The following OPCML variants were observed in gnomAD, a reference collection of about 807,000 sequenced individuals.
The protein encoded by OPCML is opioid-binding protein/cell adhesion molecule.
Under a neutral mutation model 37.8 loss-of-function variants are expected in OPCML, and 13 were observed. That is an observed-to-expected ratio of 0.34 (90% CI 0.22 to 0.55). OPCML has a LOEUF of 0.55. Ranked by LOEUF, OPCML falls within the 20% of genes least tolerant of loss-of-function variation. OPCML has a pLI of 0.91. For synonymous variants in OPCML, 176 were observed against 168.8 expected (o/e 1.04, Z -0.33); for missense variants, 341 against 435.6 (o/e 0.78, Z 1.93).
intron 2 of OPCML, among the ~76,000 whole-genome samples, chr11:132,815,017 T>C (rs970608891): frequency 5.3e-5 from 8 of 152,160 alleles, no homozygotes; most frequent in Admixed American, 6.5e-5. Context: ...TTAAAAGCCA[T>C]CTTTCCCCAA....
intron 1 of OPCML, chr11:133,004,313 T>C: frequency 1.0e-6 from 1 of 985,412 alleles, no homozygotes; most frequent in Non-Finnish European, 1.2e-6. Context: ...AATTTAATTT[T>C]TATTTTATTT....
intron 2 of OPCML, among the ~76,000 whole-genome samples, chr11:132,789,528 T>A (rs1937754375): frequency 6.6e-6 from 1 of 152,134 alleles, no homozygotes; most frequent in Non-Finnish European, 1.5e-5. Flanking sequence ...GATACTGACA[T>A]CAGCAGGGGG....
chr11:132,468,010 G>A (rs607810), intron 4 of OPCML, among the ~76,000 whole-genome samples: 149,449 of 152,280 alleles, frequency 0.98, 73,353 homozygotes, highest in East Asian at 1. Context: ...CAAACCTACA[G>A]TGTGTCCCTA....
rs149261550 is a variant in OPCML, at chr11:133,458,559, A to G, written c.61+73705T>C. On this transcript the variant is annotated intron_variant, in intron 1 of 7. Transcript: ENST00000524381. ...TACACATATATACACGTGTGTGTGT[A>G]TACACATATATACACGTGTGTGTAC... Among the ~76,000 whole-genome samples the G allele has an allele frequency of 9.3e-3, 811 of 87,356 alleles. 107 individuals carry two copies. The highest frequency in any genetic ancestry group is 0.019 in the African/African-American group (181 of 9,558). 57.3% of individuals were successfully genotyped at this position (87,356 alleles called of 152,430 possible).
At chr11:133,126,721 G>A (rs1466211037) in intron 1 of OPCML, among the ~76,000 whole-genome samples, 3 of 152,092 alleles carry the variant, frequency 2.0e-5, no homozygotes, top group African/African-American at 4.8e-5. Context: ...TTCTTTCTGG[G>A]AGAACAATGA....
intron 2 of OPCML, among the ~76,000 whole-genome samples, chr11:132,718,891 G>C (rs77867479): frequency 6.6e-6 from 1 of 152,210 alleles, no homozygotes; most frequent in Non-Finnish European, 1.5e-5. Context: ...ATGAGCATCT[G>C]AGCACGTTGC....
At chr11:132,690,072 T>C (rs1943336363) in intron 2 of OPCML, among the ~76,000 whole-genome samples, 1 of 152,180 alleles carries the variant, frequency 6.6e-6, no homozygotes, top group South Asian at 2.1e-4. Flanking sequence ...TGAATCAAAA[T>C]ATAGGTTTAG....
At chr11:132,999,333 C>A (rs1028280098) in intron 1 of OPCML, among the ~76,000 whole-genome samples, 8 of 152,036 alleles carry the variant, frequency 5.3e-5, no homozygotes, top group Non-Finnish European at 1.2e-4. Flanking sequence ...AAGTGTAAAG[C>A]ACACACAGAC....
chr11:133,220,734 T>A, intron 1 of OPCML, among the ~76,000 whole-genome samples: 1 of 152,116 alleles, frequency 6.6e-6, no homozygotes, highest in East Asian at 1.9e-4. Context: ...AAAGTCTCCC[T>A]CACTTCCTCC....
intron 2 of OPCML, among the ~76,000 whole-genome samples, chr11:132,691,792 G>A (rs370406862): frequency 2.0e-4 from 30 of 152,310 alleles, no homozygotes; most frequent in African/African-American, 7.2e-4. Context: ...GCATGAGAAG[G>A]AAACAGCATT....
In OPCML at chr11:133,121,750, T is replaced by C. The variant is rs180867358; in HGVS notation, c.62-178740A>G. ...TTTCATGCCTACCCATTTAAGGCTC[T>C]TGAAATCTGCCAGCATGTTTTCCAG... On this transcript the variant is annotated intron_variant, in intron 1 of 7. Coordinates refer to ENST00000524381, the MANE Select transcript of OPCML (RefSeq NM_001012393.5). Among the ~76,000 whole-genome samples the C allele has an allele frequency of 3.9e-5, 6 of 152,380 alleles. No homozygotes were observed. In the East Asian group the frequency reaches 1.2e-3, roughly 29 times the overall value.
chr11:133,371,013 A>C (rs1348421359), intron 1 of OPCML, among the ~76,000 whole-genome samples: 1 of 152,238 alleles, frequency 6.6e-6, no homozygotes, highest in Non-Finnish European at 1.5e-5. Context: ...GACAAAGGAC[A>C]TGAATAGATA....
chr11:133,446,783 G>T (rs906698726), intron 1 of OPCML, among the ~76,000 whole-genome samples: 4 of 152,124 alleles, frequency 2.6e-5, no homozygotes, highest in African/African-American at 9.7e-5. Flanking sequence ...CATAAAAATA[G>T]AATCACACAA....
At chr11:133,055,642 C>T (rs528166400) in intron 1 of OPCML, among the ~76,000 whole-genome samples, 69 of 146,354 alleles carry the variant, frequency 4.7e-4, no homozygotes, top group African/African-American at 1.6e-3. Context: ...TGGTGAGACT[C>T]CATGAGGGAG....
intron 3 of OPCML, among the ~76,000 whole-genome samples, chr11:132,646,850 G>C (rs577747885): frequency 1.3e-5 from 2 of 152,148 alleles, no homozygotes; most frequent in Non-Finnish European, 2.9e-5. Flanking sequence ...AAACATTGGA[G>C]AATGGAATTA....
Position 133,443,732 on chromosome 11 carries a change from T to C in OPCML, c.61+88532A>G, listed in dbSNP as rs553291547. On this transcript the variant is annotated intron_variant, in intron 1 of 7. Coordinates refer to ENST00000524381, the MANE Select transcript of OPCML (RefSeq NM_001012393.5). ...TTTTGTCAGAAGGAAGAATTCAAGG[T>C]GGCTGAGCCTCTGTCCTAGCTATTG... Among the ~76,000 whole-genome samples, 4 of 152,304 alleles carry C rather than the reference T, an allele frequency of 2.6e-5. No homozygotes were observed. The South Asian group carries it at 8.3e-4, about 32-fold the overall frequency.
intron 1 of OPCML, among the ~76,000 whole-genome samples, chr11:133,090,435 C>A (rs1422087445): frequency 6.6e-6 from 1 of 152,170 alleles, no homozygotes; most frequent in East Asian, 1.9e-4. Flanking sequence ...CAGCCTAAAT[C>A]TTCTTAGACA....
chr11:132,783,913 A>T (rs1036180899), intron 2 of OPCML, among the ~76,000 whole-genome samples: 1 of 152,190 alleles, frequency 6.6e-6, no homozygotes, highest in East Asian at 1.9e-4. Context: ...ATGCAACTTT[A>T]TTACTTTTAG....
At chr11:133,236,554 T>C (rs1220066467) in intron 1 of OPCML, among the ~76,000 whole-genome samples, 1 of 152,138 alleles carries the variant, frequency 6.6e-6, no homozygotes, top group African/African-American at 2.4e-5. Flanking sequence ...TAACTTCTCT[T>C]AGAAGCAAAA....
Sources: allele counts gnomAD v4.1 joint callset (sites outside exome capture counted in the v4.1 genomes callset), GRCh38; gene constraint gnomAD v4.1.1; transcripts MANE v1.5; gene names NCBI Gene and HGNC (gene_info 2026-07-23, HGNC 2026-07-21).